KCNA6: variants seen among roughly 807,000 people sequenced by gnomAD.
The protein encoded by KCNA6 is human brain potassium channel-2.
In KCNA6, 17 loss-of-function variants were observed where a neutral mutation model predicts 29.5. The observed-to-expected ratio is 0.58, with a 90% CI of 0.39 to 0.86. The LOEUF is 0.86. Among genes scored for constraint, KCNA6 ranks in the 40% least tolerant of loss-of-function variants. KCNA6 has a pLI of 0.00. For synonymous variants in KCNA6, 296 were observed against 304.7 expected (o/e 0.97, Z 0.30); for missense variants, 450 against 703.4 (o/e 0.64, Z 4.07).
At chr12:4,816,725 A>C (rs1946686171), downstream of KCNA6, among the ~76,000 whole-genome samples, 1 of 152,104 alleles carries the variant, frequency 6.6e-6, no homozygotes, top group Non-Finnish European at 1.5e-5. Context: ...GTCCCTCTAC[A>C]GTCGTTATTG....
chr12:4,840,339 C>G, the KCNA6 span, among the ~76,000 whole-genome samples: 1 of 152,080 alleles, frequency 6.6e-6, no homozygotes, highest in African/African-American at 2.4e-5. Flanking sequence ...TGAACAGACA[C>G]TTTTCCAAAG....
At chr12:4,836,105 A>ATTTTTT in the KCNA6 span, among the ~76,000 whole-genome samples, 4 of 137,298 alleles carry the variant, frequency 2.9e-5, no homozygotes, top group African/African-American at 2.7e-5. Flanking sequence ...ATGCCTGGCT[A>ATTTTTT]TTTTTTTTTT....
chr12:4,825,744 G>A, the KCNA6 span, among the ~76,000 whole-genome samples: 1 of 152,188 alleles, frequency 6.6e-6, no homozygotes, highest in African/African-American at 2.4e-5. Context: ...AGAAGTCTTT[G>A]AGAAAATAAC....
the KCNA6 span, among the ~76,000 whole-genome samples, chr12:4,833,657 T>C: frequency 6.6e-6 from 1 of 152,224 alleles, no homozygotes; most frequent in African/African-American, 2.4e-5. Context: ...GCTTTTTGCC[T>C]CATGCTCACA....
At chr12:4,846,944 A>C in the KCNA6 span, among the ~76,000 whole-genome samples, 2 of 149,118 alleles carry the variant, frequency 1.3e-5, no homozygotes, top group East Asian at 2.0e-4. Context: ...ACGCCCAGCT[A>C]ATTTTTTTTT....
chr12:4,814,707 T>G (rs1208754647), downstream of KCNA6: 1 of 167,106 alleles, frequency 6.0e-6, no homozygotes, highest in Non-Finnish European at 1.5e-5. The surrounding 1 kb of genome is among the most constrained non-coding windows in gnomAD (Gnocchi z 4.6). Context: ...TTCCTGGAGC[T>G]GCCAGCCTCA....
At chr12:4,833,879 G>GTCTTCT in the KCNA6 span, among the ~76,000 whole-genome samples, 1 of 150,444 alleles carries the variant, frequency 6.6e-6, no homozygotes, top group Admixed American at 6.6e-5. Context: ...GGAGGGACTT[G>GTCTTCT]TCTTCTTCTT....
chr12:4,815,176 C>T (rs539091060), downstream of KCNA6, among the ~76,000 whole-genome samples: 3 of 152,232 alleles, frequency 2.0e-5, no homozygotes, highest in East Asian at 5.8e-4. Flanking sequence ...TATCTTTCTC[C>T]CTCTCTCCAC....
the KCNA6 span, among the ~76,000 whole-genome samples, chr12:4,829,061 C>T: frequency 1.5e-4 from 23 of 152,076 alleles, no homozygotes; most frequent in African/African-American, 4.4e-4. Context: ...GAACAGAGTC[C>T]GCAGTGTGTG....
chr12:4,833,971 C>T, the KCNA6 span, among the ~76,000 whole-genome samples: 1 of 150,228 alleles, frequency 6.7e-6, no homozygotes, highest in South Asian at 2.1e-4. Flanking sequence ...CTCTGTCACC[C>T]AGGCTGGAGT....
chr12:4,838,739 G>T, the KCNA6 span, among the ~76,000 whole-genome samples: 7 of 152,276 alleles, frequency 4.6e-5, no homozygotes, highest in Admixed American at 3.9e-4. Flanking sequence ...TCTGGTGAGG[G>T]CTCTCTTCCT....
chr12:4,846,228 G>A, the KCNA6 span, among the ~76,000 whole-genome samples: 1 of 152,048 alleles, frequency 6.6e-6, no homozygotes, highest in Non-Finnish European at 1.5e-5. Flanking sequence ...TTGGATTTTG[G>A]ATTTTGGGAT....
At chr12:4,814,425 G>A (rs1270198104), downstream of KCNA6, 5 of 167,056 alleles carry the variant, frequency 3.0e-5, no homozygotes, top group African/African-American at 4.8e-5. This position sits in a 1 kb window ranked among gnomAD's most constrained non-coding sequence, Gnocchi z 4.6. Context: ...TCCTCTCTGG[G>A]AACGGCCTAT....
chr12:4,815,245 G>A (rs1946671137), downstream of KCNA6, among the ~76,000 whole-genome samples: 1 of 152,098 alleles, frequency 6.6e-6, no homozygotes, highest in Admixed American at 6.5e-5. Context: ...TTGAACTGTA[G>A]GACAGCTGTG....
chr12:4,841,403 A>G, the KCNA6 span, among the ~76,000 whole-genome samples: 1 of 152,232 alleles, frequency 6.6e-6, no homozygotes, highest in Non-Finnish European at 1.5e-5. Context: ...AGTGAGAAGA[A>G]AATAGAGACA....
the KCNA6 span, among the ~76,000 whole-genome samples, chr12:4,834,190 C>T: frequency 3.9e-5 from 6 of 152,100 alleles, no homozygotes; most frequent in African/African-American, 1.4e-4. Context: ...CCACTTTGGC[C>T]TCCCAAAGTG....
At chr12:4,831,890 T>A in the KCNA6 span, among the ~76,000 whole-genome samples, 1 of 152,196 alleles carries the variant, frequency 6.6e-6, no homozygotes, top group Non-Finnish European at 1.5e-5. Context: ...CTTGGGCACA[T>A]TTCTCATACA....
At chr12:4,841,144 T>G in the KCNA6 span, among the ~76,000 whole-genome samples, 2 of 152,186 alleles carry the variant, frequency 1.3e-5, no homozygotes, top group African/African-American at 4.8e-5. Flanking sequence ...GTGCTCAACA[T>G]TGGATGTTCA....
chr12:4,817,185 A>G (rs1946690736), downstream of KCNA6, among the ~76,000 whole-genome samples: 1 of 152,210 alleles, frequency 6.6e-6, no homozygotes, highest in African/African-American at 2.4e-5. Flanking sequence ...TTAGGGGAGG[A>G]AAAGAATTCC....
Sources: allele counts gnomAD v4.1 joint callset (sites outside exome capture counted in the v4.1 genomes callset), GRCh38; gene constraint gnomAD v4.1.1; non-coding constraint Gnocchi (gnomAD v3.1); transcripts MANE v1.5; gene names NCBI Gene and HGNC (gene_info 2026-07-23, HGNC 2026-07-21).